Variants in ACBD6 observed in about 807,000 individuals in gnomAD.
ACBD6 encodes acyl-CoA-binding domain-containing protein 6.
A neutral mutation model predicts 37.2 loss-of-function variants in ACBD6; 28 were observed. That is an observed-to-expected ratio of 0.75 (90% CI 0.56 to 1.03). The LOEUF (loss-of-function observed/expected upper bound fraction) is 1.03. Among genes scored for constraint, ACBD6 ranks in the 50% least tolerant of loss-of-function variants. The probability of loss-of-function intolerance (pLI) is 0.00; values close to 1 mark genes in which losing one functional copy is unlikely to be tolerated. For synonymous variants in ACBD6, 113 were observed against 126.8 expected (o/e 0.89, Z 0.73); for missense variants, 340 against 337.4 (o/e 1.01, Z -0.06).
At chr1:180,335,974 T>C (rs1651698545) in intron 6 of ACBD6, among the ~76,000 whole-genome samples, 1 of 151,564 alleles carries the variant, frequency 6.6e-6, no homozygotes, top group Admixed American at 6.6e-5. Flanking sequence ...ATCCTAAATA[T>C]ATATGCACCC....
intron 3 of ACBD6, among the ~76,000 whole-genome samples, chr1:180,450,909 A>G (rs916713295): frequency 3.9e-5 from 6 of 152,220 alleles, no homozygotes; most frequent in African/African-American, 1.4e-4. Context: ...TAATATAAAA[A>G]GAAGCTTCTA....
At chr1:180,353,283 T>A (rs1179738036) in intron 6 of ACBD6, among the ~76,000 whole-genome samples, 1 of 152,164 alleles carries the variant, frequency 6.6e-6, no homozygotes, top group Non-Finnish European at 1.5e-5. Flanking sequence ...AGATAGAAAA[T>A]AATAAAATTA....
chr1:180,404,423 C>T (rs1398576552), intron 5 of ACBD6, among the ~76,000 whole-genome samples: 2 of 152,016 alleles, frequency 1.3e-5, no homozygotes, highest in African/African-American at 2.4e-5. Context: ...AAAGCATGAG[C>T]CACTACACTT....
At chr1:180,270,927 G>A (rs1050521166) in exon 14 of ACBD6, 1 of 259,386 alleles carries the variant, frequency 3.9e-6, no homozygotes, top group South Asian at 4.3e-5. Flanking sequence ...TGACATGGCT[G>A]TGGGGAAATG....
chr1:180,429,966 T>G (rs1172180199), intron 4 of ACBD6, among the ~76,000 whole-genome samples: 1 of 152,166 alleles, frequency 6.6e-6, no homozygotes. Context: ...TTTTAAAGAT[T>G]ATACACCTAA....
At chr1:180,319,362 T>A (rs1280849071) in intron 6 of ACBD6, among the ~76,000 whole-genome samples, 3 of 152,206 alleles carry the variant, frequency 2.0e-5, no homozygotes, top group Non-Finnish European at 2.9e-5. Context: ...CAAAATTTTT[T>A]AATTTTTGTG....
chr1:180,471,092 C>T lies in ACBD6; in HGVS notation c.384+21177G>A, dbSNP rs111666119. ...TTGATATTTCTTTGCTCCTAAGTGA[C>T]GCAAATAATTGAAAGTTTATCTGTT... is the stretch of plus-strand genomic sequence containing the variant. On this transcript the variant is annotated intron_variant, in intron 3 of 7. Transcript: ENST00000367595. 3.0e-3 allele frequency among the ~76,000 whole-genome samples: 461 copies of T among 152,184 alleles called. 1 individual carries two copies. The highest frequency in any genetic ancestry group is 0.01 in the African/African-American group (431 of 41,544).
At chr1:180,435,271 C>A (rs1043990357) in intron 3 of ACBD6, 2 of 588,004 alleles carry the variant, frequency 3.4e-6, no homozygotes, top group Non-Finnish European at 6.5e-6. Flanking sequence ...TTTTTTGAGA[C>A]GGAGTCTTGC....
At chr1:180,332,247 C>T (rs911491361) in intron 6 of ACBD6, among the ~76,000 whole-genome samples, 3 of 152,174 alleles carry the variant, frequency 2.0e-5, no homozygotes, top group Admixed American at 1.3e-4. Flanking sequence ...CAGTACAAAC[C>T]TCCACCATTT....
chr1:180,441,882 G>T (rs1318199523), intron 3 of ACBD6, among the ~76,000 whole-genome samples: 1 of 151,764 alleles, frequency 6.6e-6, no homozygotes, highest in Non-Finnish European at 1.5e-5. Flanking sequence ...TATTTTTCTT[G>T]TCTAATTGCT....
chr1:180,360,677 A>C (rs1276619987), intron 6 of ACBD6, among the ~76,000 whole-genome samples: 1 of 152,194 alleles, frequency 6.6e-6, no homozygotes, highest in Non-Finnish European at 1.5e-5. Flanking sequence ...AACCTTTGTG[A>C]AGTAATTAAA....
chr1:180,314,470 C>T (rs943836666), intron 7 of ACBD6, among the ~76,000 whole-genome samples: 5 of 152,162 alleles, frequency 3.3e-5, no homozygotes, highest in Admixed American at 1.3e-4. Context: ...GTCTTGAACT[C>T]CTGACCTCAA....
At chr1:180,430,335 A>G in intron 3 of ACBD6, 73 bp from the exon 4 acceptor site, 1 of 1,283,124 alleles carries the variant, frequency 7.8e-7, no homozygotes, top group Non-Finnish European at 1.1e-6. Flanking sequence ...TCAGTTACAA[A>G]ATGTTATTTT....
intron 4 of ACBD6, among the ~76,000 whole-genome samples, chr1:180,424,769 AAAG>A (rs1648515963): frequency 6.6e-6 from 1 of 152,134 alleles, no homozygotes; most frequent in Non-Finnish European, 1.5e-5. Context: ...GGAGAAGAAA[AAAG>A]AAGAAAACAG....
chr1:180,486,820 G>C (rs1326924788), intron 3 of ACBD6, among the ~76,000 whole-genome samples: 1 of 152,158 alleles, frequency 6.6e-6, no homozygotes, highest in Non-Finnish European at 1.5e-5. Context: ...AGTGATCAAA[G>C]TTAACATCCC....
chr1:180,433,489 G>T (rs1470618146), intron 3 of ACBD6, among the ~76,000 whole-genome samples: 1 of 152,046 alleles, frequency 6.6e-6, no homozygotes, highest in Non-Finnish European at 1.5e-5. Flanking sequence ...ACAAGGCAAG[G>T]ATATCCATTC....
chr1:180,487,969 T>A (rs1316681058), intron 3 of ACBD6, among the ~76,000 whole-genome samples: 27 of 152,134 alleles, frequency 1.8e-4, no homozygotes, highest in Admixed American at 1.7e-3. Context: ...TTGGAACGTA[T>A]CCCCTGATAA....
chr1:180,335,816 G>C (rs868113657), intron 6 of ACBD6, among the ~76,000 whole-genome samples: 1 of 144,736 alleles, frequency 6.9e-6, no homozygotes, highest in Non-Finnish European at 1.6e-5. Context: ...GATGGAGGAA[G>C]ATCTACCAAG....
At chr1:180,492,127 T>C (rs893734581) in intron 3 of ACBD6, 142 bp downstream of exon 3, 7 of 694,442 alleles carry the variant, frequency 1.0e-5, no homozygotes, top group Middle Eastern at 4.0e-4. Flanking sequence ...TTTTATTAGA[T>C]AAATATTACA....
Sources: allele counts gnomAD v4.1 joint callset (sites outside exome capture counted in the v4.1 genomes callset), GRCh38; gene constraint gnomAD v4.1.1; transcripts MANE v1.5; gene names NCBI Gene and HGNC (gene_info 2026-07-23, HGNC 2026-07-21).